PCDH9: variants seen among roughly 807,000 people sequenced by gnomAD.
PCDH9 encodes protocadherin-9.
Under a neutral mutation model 70.6 loss-of-function variants are expected in PCDH9, and 24 were observed. That is an observed-to-expected ratio of 0.34 (90% CI 0.25 to 0.48). The LOEUF (loss-of-function observed/expected upper bound fraction) is 0.48. PCDH9 is among the 20% of genes least tolerant of loss of function. The probability of loss-of-function intolerance (pLI) is 0.99; values close to 1 mark genes in which losing one functional copy is unlikely to be tolerated. For missense variants in PCDH9, 1,281 were observed against 1,503.6 expected (o/e 0.85, Z 2.45); for synonymous variants, 562 against 558.5 (o/e 1.01, Z -0.09).
intron 4 of PCDH9, among the ~76,000 whole-genome samples, chr13:66,575,177 A>C (rs1370276229): frequency 6.6e-6 from 1 of 152,094 alleles, no homozygotes; most frequent in Non-Finnish European, 1.5e-5. Flanking sequence ...CCATCTCAAA[A>C]AAAAAATACA....
chr13:66,424,132 C>G (rs1047922489), intron 4 of PCDH9, among the ~76,000 whole-genome samples: 4 of 152,034 alleles, frequency 2.6e-5, no homozygotes, highest in African/African-American at 9.7e-5. Flanking sequence ...ATGTGAAGGG[C>G]CTCCTCAATG....
At chr13:66,404,412 G>A (rs745640993) in intron 4 of PCDH9, among the ~76,000 whole-genome samples, 1 of 152,144 alleles carries the variant, frequency 6.6e-6, no homozygotes, top group Non-Finnish European at 1.5e-5. Flanking sequence ...AACAATAAGG[G>A]AAGGGGGAGT....
At chr13:66,690,876 C>A (rs1234142652) in intron 3 of PCDH9, among the ~76,000 whole-genome samples, 1 of 152,182 alleles carries the variant, frequency 6.6e-6, no homozygotes, top group African/African-American at 2.4e-5. Context: ...GCAAGCAAGA[C>A]CTCTGTCCTC....
chr13:66,336,597 G>T (rs1240865862), intron 4 of PCDH9, among the ~76,000 whole-genome samples: 1 of 151,984 alleles, frequency 6.6e-6, no homozygotes, highest in Non-Finnish European at 1.5e-5. Context: ...AAGAAAAATA[G>T]TTTAATTTTA....
chr13:67,123,107 A>C (rs2086907989), intron 2 of PCDH9, among the ~76,000 whole-genome samples: 1 of 152,178 alleles, frequency 6.6e-6, no homozygotes, highest in Admixed American at 6.5e-5. Flanking sequence ...CCCTTCAAAC[A>C]TGGAAAAACA....
At chr13:66,391,760 A>C (rs1156960605) in intron 4 of PCDH9, among the ~76,000 whole-genome samples, 1 of 151,958 alleles carries the variant, frequency 6.6e-6, no homozygotes, top group Non-Finnish European at 1.5e-5. Context: ...GAGTGCCATG[A>C]AAGTGATACA....
intron 3 of PCDH9, among the ~76,000 whole-genome samples, chr13:66,897,014 T>C (rs539907578): frequency 2.6e-5 from 4 of 152,194 alleles, no homozygotes; most frequent in Admixed American, 2.0e-4. Flanking sequence ...ATTGCTCTTA[T>C]GATGTGCTCT....
intron 3 of PCDH9, among the ~76,000 whole-genome samples, chr13:66,703,259 A>G (rs186598213): frequency 1.0e-3 from 154 of 152,332 alleles, no homozygotes; most frequent in African/African-American, 3.5e-3. Context: ...CCTACACTTA[A>G]GCCAAATACT....
intron 3 of PCDH9, among the ~76,000 whole-genome samples, chr13:66,827,188 C>T (rs1204032942): frequency 3.3e-5 from 5 of 151,930 alleles, no homozygotes; most frequent in African/African-American, 1.2e-4. Context: ...AATTGATTCT[C>T]CCCATAACCC....
intron 4 of PCDH9, among the ~76,000 whole-genome samples, chr13:66,354,623 C>T (rs1244545836): frequency 1.3e-5 from 2 of 151,996 alleles, no homozygotes. Context: ...CAAAAGAGTG[C>T]AACTGCTGAA....
intron 2 of PCDH9, among the ~76,000 whole-genome samples, chr13:66,934,543 A>C (rs2082873855): frequency 6.9e-6 from 1 of 145,630 alleles, no homozygotes; most frequent in Non-Finnish European, 1.5e-5. Context: ...CTCAGTCCCA[A>C]AAAAAAAAAA....
At chr13:66,957,021 C>G (rs1328513606) in intron 2 of PCDH9, among the ~76,000 whole-genome samples, 5 of 152,128 alleles carry the variant, frequency 3.3e-5, no homozygotes, top group Non-Finnish European at 7.3e-5. Flanking sequence ...TTGATTCACC[C>G]TAATATTATC....
chr13:66,483,748 C>T (rs1305729593), intron 4 of PCDH9, among the ~76,000 whole-genome samples: 2 of 152,092 alleles, frequency 1.3e-5, no homozygotes, highest in Non-Finnish European at 2.9e-5. Context: ...GACTACAGCT[C>T]CAACCCCACG....
At chr13:66,377,740 G>C (rs1956775351) in intron 4 of PCDH9, among the ~76,000 whole-genome samples, 1 of 152,172 alleles carries the variant, frequency 6.6e-6, no homozygotes, top group Non-Finnish European at 1.5e-5. Flanking sequence ...GAAATATTTT[G>C]AAAGCACACA....
intron 2 of PCDH9, among the ~76,000 whole-genome samples, chr13:66,938,235 A>G (rs554148843): frequency 1.3e-4 from 20 of 152,344 alleles, no homozygotes; most frequent in South Asian, 4.1e-4. Context: ...GTAAAAGAAG[A>G]AGGCATCAAC....
intron 2 of PCDH9, among the ~76,000 whole-genome samples, chr13:67,009,127 C>A (rs1481833425): frequency 2.6e-5 from 4 of 152,064 alleles, no homozygotes; most frequent in Admixed American, 6.6e-5. Context: ...TTCATCTCAA[C>A]CAACTTAGGG....
chr13:66,965,923 A>C (rs1036581980), intron 2 of PCDH9, among the ~76,000 whole-genome samples: 1 of 152,104 alleles, frequency 6.6e-6, no homozygotes, highest in Non-Finnish European at 1.5e-5. Context: ...GTCATATATT[A>C]AGAGAAAAAG....
intron 3 of PCDH9, among the ~76,000 whole-genome samples, chr13:66,739,647 A>C (rs2079222199): frequency 6.6e-6 from 1 of 151,962 alleles, no homozygotes; most frequent in Admixed American, 6.6e-5. Context: ...ATGGAGGAAG[A>C]TCTACCAAGC....
intron 2 of PCDH9, among the ~76,000 whole-genome samples, chr13:67,188,311 A>G (rs945602769): frequency 6.6e-6 from 1 of 152,170 alleles, no homozygotes; most frequent in Non-Finnish European, 1.5e-5. Flanking sequence ...GTCAATTTCT[A>G]TCATCTAAAC....
Sources: gnomAD v4.1 joint callset for allele counts (sites outside exome capture counted in the v4.1 genomes callset) on GRCh38, gnomAD v4.1.1 for gene constraint, MANE v1.5 for transcripts, NCBI Gene and HGNC (gene_info 2026-07-23, HGNC 2026-07-21) for gene names.